DAPK2: variants seen among roughly 807,000 people sequenced by gnomAD.
DAPK2 encodes the protein death associated protein kinase 2.
A neutral mutation model predicts 44.1 loss-of-function variants in DAPK2; 35 were observed. The ratio of observed to expected loss-of-function variants is 0.79; its 90% CI spans 0.61 to 1.05. DAPK2 has a LOEUF of 1.05. Among genes scored for constraint, DAPK2 ranks in the 50% least tolerant of loss-of-function variants. The pLI, the probability that DAPK2 is intolerant of heterozygous loss-of-function variation, is 0.00. For synonymous variants in DAPK2, 174 were observed against 182.6 expected (o/e 0.95, Z 0.38); for missense variants, 453 against 483.2 (o/e 0.94, Z 0.59).
chr15:64,006,158 C>A (rs2079224222), intron 1 of DAPK2, among the ~76,000 whole-genome samples: 1 of 152,076 alleles, frequency 6.6e-6, no homozygotes, highest in African/African-American at 2.4e-5. Flanking sequence ...GGTGTCAGGA[C>A]CAACCCACAC....
At chr15:63,956,655 C>G (rs147559135) in intron 3 of DAPK2, among the ~76,000 whole-genome samples, 4,012 of 151,856 alleles carry the variant, frequency 0.026, 101 homozygotes, top group South Asian at 0.12. Flanking sequence ...GGCGCAATCT[C>G]AGCTCACTGC....
chr15:63,912,217 A>C lies in DAPK2; in HGVS notation c.859-20T>G, dbSNP rs534353075. On this transcript the variant is annotated intron_variant, in intron 8 of 10. Coordinates refer to ENST00000261891, the Ensembl canonical transcript of DAPK2. The surrounding 1 kb of genome is among the most constrained non-coding windows in gnomAD (Gnocchi z 4.4). ...CACCGGCTGAGAGACAAAGCAGAGC[A>C]TGGCAGCTGATGCTGGGCTTCAGAC... The C allele has an allele frequency of 1.5e-5, 24 of 1,612,764 alleles. No homozygotes were observed. In the East Asian group the frequency reaches 2.9e-4, roughly 19 times the overall value.
chr15:64,031,169 T>A (rs1304794680), intron 1 of DAPK2, among the ~76,000 whole-genome samples: 5 of 152,050 alleles, frequency 3.3e-5, no homozygotes, highest in Non-Finnish European at 4.4e-5. Flanking sequence ...GGGAATGTGA[T>A]CCAAGTCCAA....
At chr15:63,942,096 T>C (rs1310925941) in intron 3 of DAPK2, 18 of 490,506 alleles carry the variant, frequency 3.7e-5, no homozygotes, top group Non-Finnish European at 4.5e-5. Context: ...TGAATGGGGG[T>C]GGGAGCCAGA....
At chr15:63,922,842 TC>T in intron 8 of DAPK2, 1 of 1,535,804 alleles carries the variant, frequency 6.5e-7, no homozygotes, top group Non-Finnish European at 8.7e-7. Context: ...CCCTCAGAGC[TC>T]CCACTCTCCA....
intron 1 of DAPK2, among the ~76,000 whole-genome samples, chr15:63,987,473 G>A (rs2078697638): frequency 6.6e-6 from 1 of 152,156 alleles, no homozygotes; most frequent in Non-Finnish European, 1.5e-5. Context: ...TGGGAATACT[G>A]GAATCTGGTA....
intron 3 of DAPK2, chr15:63,942,250 C>G (rs552555511): frequency 4.7e-5 from 46 of 985,258 alleles, no homozygotes; most frequent in African/African-American, 5.2e-5. Flanking sequence ...CTTCACTGGT[C>G]TATAAGAACC....
Position 63,912,104 on chromosome 15 carries a change from A to G in DAPK2, c.948+4T>C, listed in dbSNP as rs1368693166. The G allele has an allele frequency of 1.3e-6, 2 of 1,556,304 alleles. No homozygotes were observed. Among genetic ancestry groups the G allele is most frequent in the Admixed American group, 3.5e-5 (2 of 57,968 alleles). On this transcript the variant is annotated splice_donor_region_variant and intron_variant, in intron 9 of 10. Coordinates refer to ENST00000261891, the Ensembl canonical transcript of DAPK2. The surrounding 1 kb of genome is among the most constrained non-coding windows in gnomAD (Gnocchi z 4.4). Reference sequence around the variant, plus strand: ...GTCCCCCGCCGCCCCAACCCTGGACACACCTTCCACCGCCTGCGGACATAC... The same window carrying G: ...GTCCCCCGCCGCCCCAACCCTGGACGCACCTTCCACCGCCTGCGGACATAC...
At chr15:63,963,524 G>T (rs1165115957) in intron 3 of DAPK2, among the ~76,000 whole-genome samples, 2 of 152,196 alleles carry the variant, frequency 1.3e-5, no homozygotes, top group African/African-American at 2.4e-5. Flanking sequence ...TTTGATTGGA[G>T]AATTTAGTCC....
intron 1 of DAPK2, among the ~76,000 whole-genome samples, chr15:64,016,054 G>A (rs1385501298): frequency 6.6e-6 from 1 of 152,212 alleles, no homozygotes; most frequent in African/African-American, 2.4e-5. Flanking sequence ...CATCCGAGAG[G>A]ACAAAGCAGC....
At chr15:63,991,528 G>A (rs898502066) in intron 1 of DAPK2, among the ~76,000 whole-genome samples, 5 of 152,206 alleles carry the variant, frequency 3.3e-5, no homozygotes, top group East Asian at 1.9e-4. Context: ...ATCTTTCACC[G>A]AAGTCCAATA....
intron 1 of DAPK2, among the ~76,000 whole-genome samples, chr15:64,019,921 C>T (rs1480206067): frequency 6.6e-6 from 1 of 152,216 alleles, no homozygotes; most frequent in African/African-American, 2.4e-5. Context: ...ACATAGTCAT[C>T]TCTGCTTTCC....
At chr15:64,012,908 C>T (rs1038950092) in intron 1 of DAPK2, among the ~76,000 whole-genome samples, 1 of 152,184 alleles carries the variant, frequency 6.6e-6, no homozygotes, top group African/African-American at 2.4e-5. Context: ...TGGGGCACTG[C>T]ATAGCCAATG....
At chr15:63,941,870 G>T (rs1341097968) in intron 3 of DAPK2, among the ~76,000 whole-genome samples, 1 of 152,166 alleles carries the variant, frequency 6.6e-6, no homozygotes, top group Non-Finnish European at 1.5e-5. Flanking sequence ...CCCACTGGGG[G>T]CTGCCCATGG....
In DAPK2 at chr15:63,930,482, A is replaced by T. The variant is rs1377620650; in HGVS notation, c.584-27T>A. On this transcript the variant is annotated intron_variant, in intron 4 of 10. Coordinates refer to ENST00000261891, the Ensembl canonical transcript of DAPK2. ...TGAAAGAAGTCATATTAAATAGTCA[A>T]CATGAGTGTGAAAATGAGAGGAGAG... 2.5e-6 allele frequency: 4 copies of T among 1,611,136 alleles called. No individual in the cohort carries two copies. The African/African-American group carries it at 5.3e-5, about 22-fold the overall frequency.
At chr15:63,924,846 G>A in exon 8 of DAPK2, 1 of 1,614,214 alleles carries the variant, frequency 6.2e-7, no homozygotes, top group Non-Finnish European at 8.5e-7. Flanking sequence ...GAGCCTCTTG[G>A]ATTGTGAGCC....
upstream of DAPK2, among the ~76,000 whole-genome samples, chr15:64,045,012 C>A (rs561220200): frequency 6.6e-6 from 1 of 152,294 alleles, no homozygotes; most frequent in East Asian, 1.9e-4. Context: ...GAAGCTGGGG[C>A]CCACAGAAGG....
At chr15:63,956,696 C>T (rs1261989364) in intron 3 of DAPK2, among the ~76,000 whole-genome samples, 1 of 152,122 alleles carries the variant, frequency 6.6e-6, no homozygotes, top group Non-Finnish European at 1.5e-5. Flanking sequence ...ACACCATTCT[C>T]CTGCCTCAGC....
At chr15:64,045,672 G>T (rs1032605282) in intron 1 of DAPK2, among the ~76,000 whole-genome samples, 1 of 152,228 alleles carries the variant, frequency 6.6e-6, no homozygotes, top group African/African-American at 2.4e-5. Context: ...GGGTTAGCCA[G>T]ACCTATGCAA....
Sources: allele counts gnomAD v4.1 joint callset (sites outside exome capture counted in the v4.1 genomes callset), GRCh38; gene constraint gnomAD v4.1.1; non-coding constraint Gnocchi (gnomAD v3.1); transcripts MANE v1.5; gene names NCBI Gene and HGNC (gene_info 2026-07-23, HGNC 2026-07-21).